Variants in NKX2-5 observed in about 807,000 individuals in gnomAD.
NKX2-5 encodes the protein NK2 homeobox 5, also known as homeobox protein Nkx-2.5.
In NKX2-5, 3 loss-of-function variants were observed where a neutral mutation model predicts 24.5. That is an observed-to-expected ratio of 0.12 (90% confidence interval 0.06 to 0.32). NKX2-5 has a LOEUF of 0.32. Among genes scored for constraint, NKX2-5 ranks in the 10% least tolerant of loss-of-function variants. The pLI is 1.00. For synonymous variants in NKX2-5, 215 were observed against 217.6 expected (o/e 0.99, Z 0.11); for missense variants, 429 against 452.4 (o/e 0.95, Z 0.47).
chr5:173,234,068 C>T (rs1346982112), intron 1 of NKX2-5: 1 of 1,289,466 alleles, frequency 7.8e-7, no homozygotes, highest in Non-Finnish European at 1.0e-6. Context: ...CTCCCTTGTG[C>T]CCGCGGTAGC....
In NKX2-5 at chr5:173,232,629, G is replaced by A. The variant is rs760182745; in HGVS notation, c.915C>T (p.Ser305=). The change falls in exon 2 of 2, where the codon AGC becomes AGT. Residue 305 remains serine, a synonymous_variant. Transcript: ENST00000329198. This position sits in a 1 kb window ranked among gnomAD's most constrained non-coding sequence, Gnocchi z 5.9. Reference sequence around the variant, plus strand: ...CCGAGTTGCTCTGCGGAATCCCGGGGCTCTGAACCGCATTCAAGTCCCCGA... The same window carrying A: ...CCGAGTTGCTCTGCGGAATCCCGGGACTCTGAACCGCATTCAAGTCCCCGA... ...FGVGDLNAVQ[S]PGIPQSNSGV... is the part of the protein sequence containing the mutation. The A allele has an allele frequency of 6.2e-6, 10 of 1,613,380 alleles. No individual in the cohort carries two copies. The South Asian group carries it at 9.9e-5, about 16-fold the overall frequency.
chr5:173,235,071 G>C lies in NKX2-5; in HGVS notation c.13C>G (p.Pro5Ala). The C allele has an allele frequency of 6.2e-7, 1 of 1,607,074 alleles. No individual in the cohort carries two copies. The highest frequency in any genetic ancestry group is 8.5e-7 in the Non-Finnish European group (1 of 1,177,756). ...GAGAAGGGCGTGGGCGTGAGAGCAG[G>C]GCTGGGGAACATGGTGGCAGCGCCA... is the stretch of plus-strand genomic sequence containing the variant. MFPS[P>A]ALTPTPFSVK... is the part of the protein sequence containing the mutation. Residue 5 changes from proline (P) to alanine (A), a missense_variant, in exon 1 of 2, where the codon CCT becomes GCT. Transcript: ENST00000329198.
At position 173,232,358 on chromosome 5, in the gene NKX2-5, G is replaced by T; in HGVS notation, c.*211C>A. The stretch of plus-strand genomic sequence containing the variant: ...GGACAGCTAAGACACCAGGCTGCAG[G>T]ATCACTCATTGCACGCTGCATAATC... On this transcript the variant is annotated 3_prime_UTR_variant, in exon 2 of 2. Coordinates refer to ENST00000329198, the MANE Select transcript of NKX2-5 (RefSeq NM_004387.4). The surrounding 1 kb of genome is among the most constrained non-coding windows in gnomAD (Gnocchi z 5.9). The T allele has an allele frequency of 1.1e-6, 1 of 883,648 alleles. No homozygotes were observed. Among genetic ancestry groups the T allele is most frequent in the South Asian group, 1.7e-5 (1 of 58,048 alleles). 54.7% of individuals were successfully genotyped at this position (883,648 alleles called of 1,614,324 possible).
Position 173,233,150 on chromosome 5 carries a change from G to A in NKX2-5, c.394C>T (p.Arg132Trp). The change falls in exon 2 of 2, where the codon CGG becomes TGG. Residue 132 changes from arginine to tryptophan, a missense_variant. Physicochemically the swap from Arg to Trp is moderately radical, Grantham distance 101 (BLOSUM62 -3). This residue lies in a region of NKX2-5 where 240 missense variants were observed against 240.4 expected (regional missense o/e 1.00). Transcript: ENST00000329198. Reference protein sequence around the residue: ...LEKTEADNAERPRARRRRKPR... With the variant: ...LEKTEADNAEWPRARRRRKPR... Reference sequence around the variant, plus strand: ...TTCCTCCGCCGTCGCGCCCGGGGCCGCTCCGCGTTGTCCGCCTCTGTCTTC... The same window carrying A: ...TTCCTCCGCCGTCGCGCCCGGGGCCACTCCGCGTTGTCCGCCTCTGTCTTC... 6.2e-7 allele frequency: 1 copy of A among 1,602,262 alleles called. No individual in the cohort carries two copies.
At chr5:173,234,605 A>G in intron 1 of NKX2-5, 145 bp downstream of exon 1, 5 of 720,126 alleles carry the variant, frequency 6.9e-6, no homozygotes, top group Non-Finnish European at 1.0e-5. Context: ...GAGCCTGGCG[A>G]CAACACCAGG....
chr5:173,232,898 G>T lies in NKX2-5; in HGVS notation c.646C>A (p.Arg216Ser). ...GLPPPPPPPA[R>S]RIAVPVLVRD... The stretch of plus-strand genomic sequence containing the variant: ...ACCAGCACTGGCACCGCGATCCTGC[G>T]GGCAGGCGGCGGCGGCGGCGGGGGC... The change falls in exon 2 of 2, where the codon CGC becomes AGC. Residue 216 changes from arginine (R) to serine (S), a missense_variant. Coordinates refer to ENST00000329198, the MANE Select transcript of NKX2-5 (RefSeq NM_004387.4). The surrounding 1 kb of genome is among the most constrained non-coding windows in gnomAD (Gnocchi z 5.9). 1 of 1,608,212 alleles carries T rather than the reference G, an allele frequency of 6.2e-7. No individual in the cohort carries two copies. The highest frequency in any genetic ancestry group is 1.1e-5 in the South Asian group (1 of 90,716).
intron 1 of NKX2-5, chr5:173,234,417 G>A (rs1472915671): frequency 1.4e-6 from 1 of 712,646 alleles, no homozygotes; most frequent in Non-Finnish European, 1.7e-6. Flanking sequence ...GAGATTATCT[G>A]CTTGTCTCTC....
In NKX2-5 at chr5:173,232,560, G is replaced by T. The variant is rs1761338907; in HGVS notation, c.*9C>A. 1.2e-6 allele frequency: 2 copies of T among 1,605,458 alleles called. No individual in the cohort carries two copies. The highest frequency in any genetic ancestry group is 1.7e-6 in the Non-Finnish European group (2 of 1,179,942). On this transcript the variant is annotated 3_prime_UTR_variant, in exon 2 of 2. Transcript: ENST00000329198. The surrounding 1 kb of genome is among the most constrained non-coding windows in gnomAD (Gnocchi z 5.9). ...GATCGGTCAGGGTCGCGCCACGCGG[G>T]TCCCTTCCCTACCAGGCTCGGATAC...
rs867610321 is a variant in NKX2-5 at position 173,232,185 on chromosome 5, C to T, written c.*384G>A. 2.2e-4 allele frequency: 60 copies of T among 268,402 alleles called. 1 individual carries two copies. The highest frequency in any genetic ancestry group is 2.6e-3 in the Middle Eastern group (2 of 776). 16.6% of individuals were successfully genotyped at this position (268,402 alleles called of 1,614,324 possible). ...GTAAAAACATAAATACGGGTGGGTGCGTGGGCGGGCGACGGCGAGATAGCA... is the reference window on the plus strand; with the variant it reads ...GTAAAAACATAAATACGGGTGGGTGTGTGGGCGGGCGACGGCGAGATAGCA... On this transcript the variant is annotated 3_prime_UTR_variant, in exon 2 of 2. Coordinates refer to ENST00000329198, the MANE Select transcript of NKX2-5 (RefSeq NM_004387.4). The surrounding 1 kb of genome is among the most constrained non-coding windows in gnomAD (Gnocchi z 5.9).
intron 1 of NKX2-5, chr5:173,234,400 A>T (rs1761412598): frequency 6.5e-6 from 5 of 773,696 alleles, no homozygotes; most frequent in Non-Finnish European, 7.9e-6. Context: ...AAGGAGATTT[A>T]AAAACAGAGA....
intron 1 of NKX2-5, chr5:173,233,514 A>G: frequency 1.2e-6 from 1 of 864,962 alleles, no homozygotes; most frequent in East Asian, 2.7e-5. Flanking sequence ...GCAAAAAAAA[A>G]AAAAATAAAT....
chr5:173,233,300 G>T (rs1452075749), intron 1 of NKX2-5, 91 bp from the exon 2 acceptor site: 7 of 1,543,596 alleles, frequency 4.5e-6, no homozygotes, highest in Non-Finnish European at 5.2e-6. Context: ...GGATCCTCGT[G>T]GAGGCCACTG....
chr5:173,234,949 G>A lies in NKX2-5; in HGVS notation c.135C>T (p.Ser45=). The part of the protein sequence containing the change: ...ARLEATLAPS[S]CMLAAFKPEA... ...CTGGCTTGAAGGCGGCCAGCATGCA[G>A]GAGGAGGGCGCCAGGGTCGCCTCCA... is the stretch of plus-strand genomic sequence containing the variant. The change falls in exon 1 of 2, where the codon TCC becomes TCT. Residue 45 remains serine, a synonymous_variant. Transcript: ENST00000329198. 1 of 1,611,810 alleles carries A rather than the reference G, an allele frequency of 6.2e-7. No individual in the cohort carries two copies. Among genetic ancestry groups the A allele is most frequent in the Admixed American group, 1.7e-5 (1 of 59,936 alleles).
At chr5:173,234,055 C>T (rs1761403766) in intron 1 of NKX2-5, 1 of 1,289,414 alleles carries the variant, frequency 7.8e-7, no homozygotes, top group Non-Finnish European at 1.0e-6. Flanking sequence ...CTCATCTCGT[C>T]CACTCCCTTG....
In NKX2-5 at chr5:173,232,425, G is replaced by T; in HGVS notation, c.*144C>A. On this transcript the variant is annotated 3_prime_UTR_variant, in exon 2 of 2. Transcript: ENST00000329198. The surrounding 1 kb of genome is among the most constrained non-coding windows in gnomAD (Gnocchi z 5.9). ...CCGTGCGCAAGAACAAACGCGCGTGGGACAGAAAAAGTTCCTAGGTCTCCG... is the reference window on the plus strand; with the variant it reads ...CCGTGCGCAAGAACAAACGCGCGTGTGACAGAAAAAGTTCCTAGGTCTCCG... 1 of 1,440,172 alleles carries T rather than the reference G, an allele frequency of 6.9e-7. No homozygotes were observed. The highest frequency in any genetic ancestry group is 9.3e-7 in the Non-Finnish European group (1 of 1,076,552). 89.2% of individuals were successfully genotyped at this position (1,440,172 alleles called of 1,614,324 possible). A position where few individuals can be genotyped will look rare whatever the true frequency, so the allele number is the denominator to read the frequency against.
At position 173,234,802 on chromosome 5, in the gene NKX2-5, T is replaced by C. The variant is rs1468594356; in HGVS notation, c.282A>G (p.Pro94=). 1.3e-6 allele frequency: 2 copies of C among 1,582,742 alleles called. No individual in the cohort carries two copies. Among genetic ancestry groups the C allele is most frequent in the Non-Finnish European group, 1.7e-6 (2 of 1,166,630 alleles). The change falls in exon 1 of 2, where the codon CCA becomes CCG. Residue 94 remains proline, a synonymous_variant. Transcript: ENST00000329198. ...CTGGGTCGGGGTCGCTGTAGGCACG[T>C]GGATAGAAGGCGGGGGCGGCGGGAA... ...SAFPAAPAFY[P]RAYSDPDPAK... is the part of the protein sequence containing the mutation.
chr5:173,233,145 G>T lies in NKX2-5; in HGVS notation c.399C>A (p.Pro133=). The T allele has an allele frequency of 6.2e-7, 1 of 1,602,582 alleles. No homozygotes were observed. Among genetic ancestry groups the T allele is most frequent in the East Asian group, 2.2e-5 (1 of 44,500 alleles). Residue 133 remains proline, a synonymous_variant, in exon 2 of 2, where the codon CCC becomes CCA. Transcript: ENST00000329198. ...GCGGCTTCCTCCGCCGTCGCGCCCG[G>T]GGCCGCTCCGCGTTGTCCGCCTCTG... is the stretch of plus-strand genomic sequence containing the variant. The part of the protein sequence containing the change: ...EKTEADNAER[P]RARRRRKPRV...
chr5:173,233,519 AT>A (rs371347562), intron 1 of NKX2-5: 108,508 of 589,866 alleles, frequency 0.18, 8,566 homozygotes, highest in African/African-American at 0.26. Flanking sequence ...AAAAAAAAAA[AT>A]AAATAAAAAA....
intron 1 of NKX2-5, 63 bp from the exon 2 acceptor site, chr5:173,233,272 C>T: frequency 1.3e-6 from 2 of 1,564,780 alleles, no homozygotes; most frequent in Non-Finnish European, 1.7e-6. Context: ...CGGAGCGCGG[C>T]CGCACAGTAA....
Sources: gnomAD v4.1 joint callset for allele counts on GRCh38, gnomAD v4.1.1 for gene constraint, gnomAD v4.1.1 regional missense constraint, Gnocchi (gnomAD v3.1) non-coding constraint, MANE v1.5 for transcripts, NCBI Gene and HGNC (gene_info 2026-07-23, HGNC 2026-07-21) for gene names.